The following RDX variants were observed in gnomAD, a reference collection of about 807,000 sequenced individuals.
RDX encodes the protein deafness, autosomal recessive 24.
A neutral mutation model predicts 83.7 loss-of-function variants in RDX; 32 were observed. The observed-to-expected ratio is 0.38, with a 90% CI of 0.29 to 0.51. The LOEUF is 0.51. Ranked by LOEUF, RDX falls within the 20% of genes least tolerant of loss-of-function variation. The pLI is 0.87. For missense variants in RDX, 600 were observed against 689.9 expected, an observed-to-expected ratio of 0.87 and a Z score of 1.46; for synonymous variants, 229 against 222.7, an observed-to-expected ratio of 1.03 and a Z score of -0.25.
At chr11:110,285,202 C>T (rs1591185670) in intron 1 of RDX, among the ~76,000 whole-genome samples, 1 of 151,276 alleles carries the variant, frequency 6.6e-6, no homozygotes, top group Non-Finnish European at 1.5e-5. Context: ...GTCTGGCCAA[C>T]ATAGTGAAAC....
At chr11:110,241,056 C>CA (rs34548283) in intron 10 of RDX, among the ~76,000 whole-genome samples, 10,454 of 42,518 alleles carry the variant, frequency 0.25, 1,506 homozygotes, top group East Asian at 0.47. Flanking sequence ...ACTCTGTCTC[C>CA]AAAAAAAAAA....
At chr11:110,201,236 A>G (rs181305921) in intron 14 of RDX, among the ~76,000 whole-genome samples, 2 of 151,778 alleles carry the variant, frequency 1.3e-5, no homozygotes, top group East Asian at 1.9e-4. Flanking sequence ...TAGTTTTTCC[A>G]TAGTCACTAG....
At chr11:110,259,033 T>C (rs75538818) in intron 5 of RDX, among the ~76,000 whole-genome samples, 1 of 152,136 alleles carries the variant, frequency 6.6e-6, no homozygotes, top group Non-Finnish European at 1.5e-5. Context: ...CACGATGCTC[T>C]CGGCCTCCCG....
At chr11:110,233,129 A>G in intron 13 of RDX, 108 bp downstream of exon 13, 1 of 1,365,310 alleles carries the variant, frequency 7.3e-7, no homozygotes. Flanking sequence ...ACCAATCACA[A>G]GGGCAGCCAG....
chr11:110,237,734 A>T (rs1257918646), intron 10 of RDX, 82 bp from the exon 11 acceptor site: 2 of 1,455,376 alleles, frequency 1.4e-6, no homozygotes, highest in Non-Finnish European at 1.9e-6. Context: ...AGTAGCAAGA[A>T]ATCAAATCTG....
chr11:110,257,892 G>A lies in RDX; in HGVS notation c.573C>T (p.Tyr191=), dbSNP rs139960434. ...TTTCTAGATCTTGTGCAATCTTCAG[G>A]TATTCCATCATAGAATCCTCCCTGT... ...GMLREDSMME[Y]LKIAQDLEMY... is the part of the protein sequence containing the mutation. Residue 191 remains tyrosine, a synonymous_variant, in exon 7 of 14, where the codon TAC becomes TAT. Transcript: ENST00000645495. 5.0e-6 allele frequency: 8 copies of A among 1,611,528 alleles called. No individual in the cohort carries two copies. The African/African-American group carries it at 9.4e-5, about 19-fold the overall frequency.
chr11:110,272,686 TTTTC>T (rs773853825), intron 2 of RDX, 67 bp from the exon 3 acceptor site: 26 of 1,042,466 alleles, frequency 2.5e-5, no homozygotes, highest in African/African-American at 6.3e-5. Flanking sequence ...ACTTTTATGA[TTTTC>T]TTTATTAAAG....
At chr11:110,284,276 TAAATATAA>T in intron 1 of RDX, among the ~76,000 whole-genome samples, 1 of 152,248 alleles carries the variant, frequency 6.6e-6, no homozygotes, top group South Asian at 2.1e-4. Flanking sequence ...CCCCCCAAAC[TAAATATAA>T]AAGAAAGTAA....
chr11:110,191,573 G>C (rs114133361), intron 15 of RDX, among the ~76,000 whole-genome samples: 1 of 152,258 alleles, frequency 6.6e-6, no homozygotes, highest in South Asian at 2.1e-4. Flanking sequence ...GAGCAATCAG[G>C]TGCCAGGCGC....
At chr11:110,227,648 T>C (rs1368785937), downstream of RDX, among the ~76,000 whole-genome samples, 3 of 152,144 alleles carry the variant, frequency 2.0e-5, no homozygotes, top group Admixed American at 1.3e-4. Flanking sequence ...AAGTTAATAT[T>C]TGAAGTCCCC....
intron 1 of RDX, among the ~76,000 whole-genome samples, chr11:110,281,062 G>A (rs902914860): frequency 4.6e-5 from 7 of 151,936 alleles, no homozygotes; most frequent in African/African-American, 9.7e-5. Flanking sequence ...CTACTCAGGA[G>A]GCTGAGGCAG....
intron 14 of RDX, among the ~76,000 whole-genome samples, chr11:110,217,473 C>T (rs775593456): frequency 2.0e-5 from 3 of 152,162 alleles, no homozygotes; most frequent in Non-Finnish European, 2.9e-5. Context: ...CTCCTCCCAC[C>T]AGAAGTCCTT....
At chr11:110,199,540 C>T (rs1397078543) in intron 15 of RDX, 1 of 699,408 alleles carries the variant, frequency 1.4e-6, no homozygotes, top group East Asian at 2.7e-5. Flanking sequence ...GTCTAGTGGG[C>T]AGGTGAGCTG....
At chr11:110,271,670 C>T (rs753025045) in intron 3 of RDX, among the ~76,000 whole-genome samples, 14 of 152,020 alleles carry the variant, frequency 9.2e-5, no homozygotes, top group Admixed American at 3.3e-4. Context: ...TTTTTTAAAG[C>T]TCCACAGGTG....
At chr11:110,221,954 G>GTGC (rs1281026012) in intron 14 of RDX, among the ~76,000 whole-genome samples, 1 of 151,982 alleles carries the variant, frequency 6.6e-6, no homozygotes, top group African/African-American at 2.4e-5. Context: ...AATTCCAACA[G>GTGC]TGCACAAACA....
intron 15 of RDX, among the ~76,000 whole-genome samples, chr11:110,189,590 T>C (rs962121729): frequency 2.0e-5 from 3 of 152,168 alleles, no homozygotes; most frequent in African/African-American, 4.8e-5. Flanking sequence ...TACTGTAAGA[T>C]TGACCACACG....
chr11:110,263,561 G>GGAA (rs1198162497), intron 5 of RDX: 1 of 67,592 alleles, frequency 1.5e-5, no homozygotes, highest in African/African-American at 8.1e-5. Flanking sequence ...CTTAAAATCT[G>GGAA]GAAAAAAAAA....
intron 3 of RDX, among the ~76,000 whole-genome samples, chr11:110,270,155 G>A (rs910336327): frequency 1.3e-5 from 2 of 151,932 alleles, no homozygotes; most frequent in African/African-American, 2.4e-5. Context: ...GTTGCTTAAC[G>A]ATGGGGATAC....
chr11:110,286,093 CTTAA>C (rs1188801361), intron 1 of RDX, among the ~76,000 whole-genome samples: 3 of 152,074 alleles, frequency 2.0e-5, no homozygotes, highest in Non-Finnish European at 2.9e-5. Flanking sequence ...TTGGTTTAAA[CTTAA>C]TTAAACCAAT....
Sources: allele counts gnomAD v4.1 joint callset (sites outside exome capture counted in the v4.1 genomes callset), GRCh38; gene constraint gnomAD v4.1.1; transcripts MANE v1.5; gene names NCBI Gene and HGNC (gene_info 2026-07-23, HGNC 2026-07-21).